Variants in CNTNAP3 observed in about 807,000 individuals in gnomAD.
CNTNAP3 encodes the protein contactin-associated protein-like 3.
CNTNAP3 carries 36 observed loss-of-function variants against 92.1 expected under a neutral mutation model. The observed-to-expected ratio is 0.39, with a 90% CI of 0.30 to 0.52. The LOEUF is 0.52. Ranked by LOEUF, CNTNAP3 falls within the 20% of genes least tolerant of loss-of-function variation. The pLI, the probability that CNTNAP3 is intolerant of heterozygous loss-of-function variation, is 0.76. For synonymous variants in CNTNAP3, 232 were observed against 422.3 expected (o/e 0.55, Z 5.53); for missense variants, 534 against 1,069.6 (o/e 0.50, Z 6.98).
At chr9:39,137,093 TCTC>T (rs947172136) in intron 12 of CNTNAP3, among the ~76,000 whole-genome samples, 4 of 151,756 alleles carry the variant, frequency 2.6e-5, no homozygotes, top group African/African-American at 7.3e-5. Context: ...CTTTCTTTCT[TCTC>T]CTAGAATTCT....
chr9:39,118,232 C>G lies in CNTNAP3; in HGVS notation c.2108G>C (p.Gly703Ala). 6.2e-7 allele frequency: 1 copy of G among 1,611,170 alleles called. No individual in the cohort carries two copies. Among genetic ancestry groups the G allele is most frequent in the Non-Finnish European group, 8.5e-7 (1 of 1,179,254 alleles). ...GGAAGTGTGTGTTTCATTGGTTCTTCCAACCCACCAGCTCAGTGGGGTTCC... is the reference window on the plus strand; with the variant it reads ...GGAAGTGTGTGTTTCATTGGTTCTTGCAACCCACCAGCTCAGTGGGGTTCC... The part of the protein sequence containing the change: ...RDGTPLSWWV[G>A]RTNETHTSWG... Residue 703 changes from glycine (G) to alanine (A), a missense_variant, in exon 14 of 24, where the codon GGA (glycine) becomes GCA (alanine). By Grantham distance (60) the Gly-to-Ala change is moderately conservative. Transcript: ENST00000297668.
intron 13 of CNTNAP3, among the ~76,000 whole-genome samples, chr9:39,126,050 C>T (rs2091858751): frequency 6.6e-6 from 1 of 152,144 alleles, no homozygotes; most frequent in African/African-American, 2.4e-5. Context: ...GCAGAATACA[C>T]ATTCTTCTCA....
intron 10 of CNTNAP3, among the ~76,000 whole-genome samples, chr9:39,148,959 A>C (rs1326920359): frequency 6.6e-6 from 1 of 152,166 alleles, no homozygotes; most frequent in African/African-American, 2.4e-5. Context: ...CTCAGCCAAA[A>C]TCTTTGTAAA....
chr9:39,141,781 G>T lies in CNTNAP3; in HGVS notation c.1757-1143C>A, dbSNP rs189750699. 7.2e-5 allele frequency among the ~76,000 whole-genome samples: 11 copies of T among 152,212 alleles called. 1 individual carries two copies. In the East Asian group the frequency reaches 2.1e-3, roughly 29 times the overall value. On this transcript the variant is annotated intron_variant, in intron 11 of 23. Transcript: ENST00000297668. ...GTTTGGAATGGAGACAAATATTGAG[G>T]AAAGTGACTAGAATTTGTGCTTTAT...
At chr9:39,084,587 A>G (rs1484987673) in intron 21 of CNTNAP3, among the ~76,000 whole-genome samples, 2 of 152,328 alleles carry the variant, frequency 1.3e-5, no homozygotes, top group Admixed American at 1.3e-4. Context: ...TGTTTTGGGT[A>G]ACTTTCTTTG....
intron 18 of CNTNAP3, among the ~76,000 whole-genome samples, chr9:39,096,005 T>C (rs769074754): frequency 7.9e-4 from 120 of 151,918 alleles, no homozygotes; most frequent in Non-Finnish European, 1.4e-3. Flanking sequence ...TCTTTCTTTG[T>C]TCCTCTGACT....
At chr9:39,088,785 T>A (rs1826126349) in intron 18 of CNTNAP3, 138 bp from the exon 19 acceptor site, 1 of 943,842 alleles carries the variant, frequency 1.1e-6, no homozygotes, top group Non-Finnish European at 1.6e-6. Context: ...CCTGTTTTTT[T>A]ATTTTTCACT....
At chr9:39,099,330 ACAT>A (rs1217798358) in intron 18 of CNTNAP3, among the ~76,000 whole-genome samples, 4 of 152,166 alleles carry the variant, frequency 2.6e-5, no homozygotes, top group Non-Finnish European at 5.9e-5. Context: ...GAAGAGTCAA[ACAT>A]CATAGAGCAC....
intron 8 of CNTNAP3, among the ~76,000 whole-genome samples, chr9:39,170,136 C>CT (rs1822230965): frequency 1.5e-4 from 1 of 6,692 alleles, no homozygotes; most frequent in Non-Finnish European, 2.1e-4. Context: ...TATACGTCCC[C>CT]TCTGAATATC....
intron 14 of CNTNAP3, among the ~76,000 whole-genome samples, chr9:39,117,313 T>A (rs1820883054): frequency 6.6e-6 from 1 of 152,200 alleles, no homozygotes; most frequent in South Asian, 2.1e-4. Context: ...TTAAAGCACG[T>A]ACTCTACATG....
rs557152349 is a variant in CNTNAP3, at chr9:39,105,201, G to A, written c.2366-1287C>T. On this transcript the variant is annotated intron_variant, in intron 15 of 23. Transcript: ENST00000297668. ...CCAGCACTTTGGGAGGCCAAGGCGG[G>A]CGGATCATGAAGTCAGGAGATCCAG... Among the ~76,000 whole-genome samples the A allele has an allele frequency of 4.3e-4, 65 of 152,250 alleles. 1 individual carries two copies. The highest frequency in any genetic ancestry group is 1.5e-3 in the East Asian group (8 of 5,164).
At chr9:39,148,927 C>G (rs1044205495) in intron 10 of CNTNAP3, among the ~76,000 whole-genome samples, 2 of 152,076 alleles carry the variant, frequency 1.3e-5, no homozygotes, top group African/African-American at 2.4e-5. Flanking sequence ...ATTATTTTTC[C>G]AGGTGTGACC....
At position 39,097,495 on chromosome 9, in the gene CNTNAP3, G is replaced by C. The variant is rs192836325; in HGVS notation, c.2995+2416C>G. On this transcript the variant is annotated intron_variant, in intron 18 of 23. Transcript: ENST00000297668. ...CTGGAGTGAGGGCAATTGGGACACAGGATTTTCCAGCTGCCACACCTGAAG... is the reference window on the plus strand; with the variant it reads ...CTGGAGTGAGGGCAATTGGGACACACGATTTTCCAGCTGCCACACCTGAAG... Among the ~76,000 whole-genome samples, 159 of 152,184 alleles carry C rather than the reference G, an allele frequency of 1.0e-3. 2 individuals carry two copies. Among genetic ancestry groups the C allele is most frequent in the Non-Finnish European group, 1.4e-3 (98 of 68,022 alleles).
chr9:39,117,431 A>G (rs1366692567), intron 14 of CNTNAP3, among the ~76,000 whole-genome samples: 1 of 152,208 alleles, frequency 6.6e-6, no homozygotes, highest in Admixed American at 6.5e-5. Context: ...GCATTTCAAG[A>G]GTAACCTCAA....
At chr9:39,139,726 G>C (rs1821525858) in intron 12 of CNTNAP3, 1 of 150,952 alleles carries the variant, frequency 6.6e-6, no homozygotes, top group African/African-American at 2.4e-5. Context: ...CTATAATCAA[G>C]CTGTGTTCAT....
chr9:39,099,015 C>T (rs1444841224), intron 18 of CNTNAP3, among the ~76,000 whole-genome samples: 3 of 151,646 alleles, frequency 2.0e-5, no homozygotes, highest in Non-Finnish European at 2.9e-5. Context: ...CACTCTGCCG[C>T]CCAGGAGTGA....
intron 2 of CNTNAP3, among the ~76,000 whole-genome samples, chr9:39,252,935 CAT>C (rs551733612): frequency 0.28 from 1,877 of 6,662 alleles, 852 homozygotes; most frequent in Middle Eastern, 0.4. Context: ...TATGTACTGA[CAT>C]ATGTGTGTGT....
At chr9:39,111,905 T>C (rs1318278048) in intron 14 of CNTNAP3, among the ~76,000 whole-genome samples, 1 of 152,066 alleles carries the variant, frequency 6.6e-6, no homozygotes, top group South Asian at 2.1e-4. Flanking sequence ...AGCATAAAGA[T>C]AGCCAGTGTT....
chr9:39,126,397 C>A (rs1366216773), intron 13 of CNTNAP3, among the ~76,000 whole-genome samples: 1 of 152,126 alleles, frequency 6.6e-6, no homozygotes, highest in Non-Finnish European at 1.5e-5. Context: ...CAATTTTCCA[C>A]AATCTGTTGC....
Sources: allele counts gnomAD v4.1 joint callset (sites outside exome capture counted in the v4.1 genomes callset), GRCh38; gene constraint gnomAD v4.1.1; transcripts MANE v1.5; gene names NCBI Gene and HGNC (gene_info 2026-07-23, HGNC 2026-07-21).